Variants in ADGRB3 observed in about 807,000 individuals in gnomAD.
ADGRB3 encodes the protein adhesion G protein-coupled receptor B3.
ADGRB3 carries 37 observed loss-of-function variants against 193.4 expected under a neutral mutation model. The ratio of observed to expected loss-of-function variants is 0.19; its 90% CI spans 0.15 to 0.25. ADGRB3 has a LOEUF of 0.25. Among genes scored for constraint, ADGRB3 ranks in the 10% least tolerant of loss-of-function variants. The probability of loss-of-function intolerance (pLI) is 1.00; values close to 1 mark genes in which losing one functional copy is unlikely to be tolerated. For missense variants in ADGRB3, 1,637 were observed against 1,852.9 expected (o/e 0.88, Z 2.14); for synonymous variants, 690 against 644.2 (o/e 1.07, Z -1.08).
At chr6:69,265,953 GA>G (rs1466913395) in intron 20 of ADGRB3, among the ~76,000 whole-genome samples, 1 of 151,612 alleles carries the variant, frequency 6.6e-6, no homozygotes, top group South Asian at 2.1e-4. Context: ...CTTACTAACT[GA>G]AAAAAAATTA....
At chr6:68,741,076 A>G (rs1386321010) in intron 3 of ADGRB3, among the ~76,000 whole-genome samples, 1 of 152,008 alleles carries the variant, frequency 6.6e-6, no homozygotes, top group Non-Finnish European at 1.5e-5. Context: ...GTGAAAAACC[A>G]TTTGTCAGTT....
intron 26 of ADGRB3, among the ~76,000 whole-genome samples, chr6:69,349,380 C>G (rs1769175145): frequency 6.6e-6 from 1 of 152,140 alleles, no homozygotes; most frequent in Non-Finnish European, 1.5e-5. Flanking sequence ...TTAAGGGATT[C>G]TAATAGAAAG....
At chr6:68,713,945 TTTATACA>T (rs1349404756) in intron 3 of ADGRB3, among the ~76,000 whole-genome samples, 1 of 151,710 alleles carries the variant, frequency 6.6e-6, no homozygotes. Context: ...AAAATAATTG[TTTATACA>T]TTATATATTA....
intron 31 of ADGRB3, among the ~76,000 whole-genome samples, chr6:69,386,844 T>C: frequency 6.6e-6 from 1 of 152,140 alleles, no homozygotes. Flanking sequence ...AAGCCATCTC[T>C]CTATCCTTCT....
intron 3 of ADGRB3, among the ~76,000 whole-genome samples, chr6:68,852,752 G>A (rs1464771974): frequency 1.3e-5 from 2 of 151,942 alleles, no homozygotes; most frequent in Non-Finnish European, 2.9e-5. Flanking sequence ...GTAGTCTTCA[G>A]TGCTGCACAC....
At chr6:69,080,621 T>C (rs1437967576) in intron 17 of ADGRB3, among the ~76,000 whole-genome samples, 1 of 151,650 alleles carries the variant, frequency 6.6e-6, no homozygotes. Context: ...TACAGACTCA[T>C]AATTACCTAA....
intron 3 of ADGRB3, among the ~76,000 whole-genome samples, chr6:68,780,931 GATTA>G (rs957584754): frequency 4.6e-5 from 7 of 152,172 alleles, no homozygotes; most frequent in African/African-American, 1.2e-4. Context: ...TCACTGTCTT[GATTA>G]ATTATTTTAT....
chr6:69,300,832 A>T (rs1308561681), intron 20 of ADGRB3, among the ~76,000 whole-genome samples: 3 of 151,812 alleles, frequency 2.0e-5, no homozygotes, highest in African/African-American at 4.8e-5. Context: ...ACAAACATTG[A>T]GGAGATATTA....
chr6:68,797,739 G>A (rs146593467), intron 3 of ADGRB3, among the ~76,000 whole-genome samples: 62 of 152,168 alleles, frequency 4.1e-4, no homozygotes, highest in African/African-American at 1.4e-3. Flanking sequence ...GAGACAAGAC[G>A]TCATCCCCTT....
intron 3 of ADGRB3, among the ~76,000 whole-genome samples, chr6:68,847,415 T>A (rs1438401184): frequency 6.6e-6 from 1 of 152,134 alleles, no homozygotes; most frequent in African/African-American, 2.4e-5. Context: ...CACATCCAAA[T>A]CTCATCTTGA....
At chr6:69,280,846 C>A (rs1047160371) in intron 20 of ADGRB3, among the ~76,000 whole-genome samples, 6 of 150,796 alleles carry the variant, frequency 4.0e-5, no homozygotes, top group Non-Finnish European at 7.4e-5. Context: ...TCTGTAACTA[C>A]AAAAAAATAT....
chr6:69,238,858 G>A (rs1401394511), intron 19 of ADGRB3, among the ~76,000 whole-genome samples: 1 of 151,728 alleles, frequency 6.6e-6, no homozygotes, highest in Non-Finnish European at 1.5e-5. Flanking sequence ...GGGCAACTTA[G>A]GCTCTATCAG....
chr6:69,310,456 T>G (rs778300770), intron 20 of ADGRB3, among the ~76,000 whole-genome samples: 11 of 151,700 alleles, frequency 7.3e-5, no homozygotes, highest in Non-Finnish European at 1.5e-4. Context: ...GGTAGTCCCT[T>G]TTAGGACTCA....
At chr6:68,803,043 T>C (rs891990333) in intron 3 of ADGRB3, among the ~76,000 whole-genome samples, 1 of 152,204 alleles carries the variant, frequency 6.6e-6, no homozygotes, top group African/African-American at 2.4e-5. Context: ...TTTAATATTA[T>C]ACTATATACC....
Position 68,637,480 on chromosome 6 carries a change from A to T in ADGRB3, c.-98A>T, listed in dbSNP as rs189055577. ...AAAGGCTAAACAAACAAACAAAAGC[A>T]GTGTCATTTATTCTAAGAAATAACT... On this transcript the variant is annotated 5_prime_UTR_variant, in exon 2 of 32. Transcript: ENST00000370598. The T allele has an allele frequency of 9.2e-5, 14 of 152,820 alleles. No homozygotes were observed. The East Asian group carries it at 2.7e-3, about 29-fold the overall frequency. The allele number at this position is 152,820 out of a possible 1,614,324, so 9.5% of individuals were successfully genotyped here.
intron 17 of ADGRB3, among the ~76,000 whole-genome samples, chr6:69,133,817 T>C (rs1358300007): frequency 6.6e-6 from 1 of 152,028 alleles, no homozygotes; most frequent in African/African-American, 2.4e-5. Context: ...CAATATGTGG[T>C]CTTTTATCCC....
At chr6:68,705,498 A>C (rs889808796) in intron 3 of ADGRB3, among the ~76,000 whole-genome samples, 1 of 152,204 alleles carries the variant, frequency 6.6e-6, no homozygotes, top group African/African-American at 2.4e-5. Context: ...TGTTTGAAGA[A>C]TCATGATGGA....
intron 12 of ADGRB3, among the ~76,000 whole-genome samples, chr6:69,014,700 C>T (rs115354247): frequency 6.6e-6 from 1 of 151,662 alleles, no homozygotes; most frequent in African/African-American, 2.4e-5. Flanking sequence ...AATTTGTTTT[C>T]CTCTGAATTA....
At chr6:69,232,509 C>A in intron 17 of ADGRB3, 1 of 1,535,448 alleles carries the variant, frequency 6.5e-7, no homozygotes, top group South Asian at 1.2e-5. Flanking sequence ...TCTGAATGTT[C>A]TAGCGGACTT....
Sources: allele counts gnomAD v4.1 joint callset (sites outside exome capture counted in the v4.1 genomes callset), GRCh38; gene constraint gnomAD v4.1.1; transcripts MANE v1.5; gene names NCBI Gene and HGNC (gene_info 2026-07-23, HGNC 2026-07-21).